CACNA1I: variants seen among roughly 807,000 people sequenced by gnomAD.
The protein encoded by CACNA1I is calcium voltage-gated channel subunit alpha1 I.
A neutral mutation model predicts 201.6 loss-of-function variants in CACNA1I; 74 were observed. The ratio of observed to expected loss-of-function variants is 0.37; its 90% CI spans 0.30 to 0.45. CACNA1I has a LOEUF of 0.45. CACNA1I is among the 20% of genes least tolerant of loss of function. The pLI, the probability that CACNA1I is intolerant of heterozygous loss-of-function variation, is 1.00. For synonymous variants in CACNA1I, 1,431 were observed against 1,345.2 expected, an observed-to-expected ratio of 1.06 and a Z score of -1.40; for missense variants, 2,346 against 3,138.1, an observed-to-expected ratio of 0.75 and a Z score of 6.03.
In CACNA1I at chr22:39,679,868, G is replaced by A. The variant is rs774524240; in HGVS notation, c.5541G>A (p.Glu1847=). Residue 1847 remains glutamate, a splice_region_variant and synonymous_variant, in exon 33 of 37, where the codon GAG becomes GAA. Transcript: ENST00000402142. Reference sequence around the variant, plus strand: ...AGAAGTGTCACCACGACAAGCAAGAGGTAATGGCAGCCCGGGAGGCCTGGC... The same window carrying A: ...AGAAGTGTCACCACGACAAGCAAGAAGTAATGGCAGCCCGGGAGGCCTGGC... The part of the protein sequence containing the change: ...GCKKCHHDKQ[E]VQLAETEAFS... 1.9e-6 allele frequency: 3 copies of A among 1,611,340 alleles called. No homozygotes were observed. Among genetic ancestry groups the A allele is most frequent in the East Asian group, 2.2e-5 (1 of 44,818 alleles).
intron 3 of CACNA1I, among the ~76,000 whole-genome samples, chr22:39,604,684 TC>T (rs1933159042): frequency 6.6e-6 from 1 of 151,792 alleles, no homozygotes; most frequent in African/African-American, 2.4e-5. Context: ...ACTCAGGTGA[TC>T]CTCCCACTTC....
Position 39,612,229 on chromosome 22 carries a change from G to A in CACNA1I, c.483-7081G>A, listed in dbSNP as rs114530448. On this transcript the variant is annotated intron_variant, in intron 3 of 36. Coordinates refer to ENST00000402142, the MANE Select transcript of CACNA1I (RefSeq NM_021096.4). ...ACACACTTTCTTGCCCTTCTGCCAC[G>A]TGATGACACAGCAAGAAAGTCCTCG... Among the ~76,000 whole-genome samples the A allele has an allele frequency of 5.7e-3, 870 of 152,244 alleles. 12 individuals carry two copies. Among genetic ancestry groups the A allele is most frequent in the African/African-American group, 0.017 (693 of 41,534 alleles).
rs1002731847 is a variant in CACNA1I at position 39,685,920 on chromosome 22, G to T, written c.6187G>T (p.Ala2063Ser). The T allele has an allele frequency of 6.1e-6, 8 of 1,317,074 alleles. No homozygotes were observed. Among genetic ancestry groups the T allele is most frequent in the African/African-American group, 1.6e-5 (1 of 64,472 alleles). 81.6% of individuals were successfully genotyped at this position (1,317,074 alleles called of 1,614,324 possible). ...ACCCCGGGCCGGCCTGTCCCCCGCC[G>T]CTCGCCGCCGCCTGAGCCTGCGCGG... Reference protein sequence around the residue: ...PGPRAGLSPAARRRLSLRGRG... With the variant: ...PGPRAGLSPASRRRLSLRGRG... Residue 2063 changes from alanine to serine, a missense_variant, in exon 37 of 37, where the codon GCT (alanine) becomes TCT (serine). Coordinates refer to ENST00000402142, the MANE Select transcript of CACNA1I (RefSeq NM_021096.4). The surrounding 1 kb of genome is among the most constrained non-coding windows in gnomAD (Gnocchi z 5.0).
chr22:39,650,638 G>T (rs1934619933), intron 10 of CACNA1I, among the ~76,000 whole-genome samples: 1 of 152,394 alleles, frequency 6.6e-6, no homozygotes, highest in South Asian at 2.1e-4. Context: ...CCAGGCCAGG[G>T]TGTCCTGTCC....
At chr22:39,585,053 T>C (rs933308963) in intron 1 of CACNA1I, among the ~76,000 whole-genome samples, 3 of 152,220 alleles carry the variant, frequency 2.0e-5, no homozygotes, top group Non-Finnish European at 2.9e-5. Context: ...TCTAGTTCTA[T>C]GCTTTTTATT....
intron 7 of CACNA1I, among the ~76,000 whole-genome samples, chr22:39,645,955 CAG>C (rs1303479697): frequency 6.6e-6 from 1 of 152,198 alleles, no homozygotes; most frequent in African/African-American, 2.4e-5. Flanking sequence ...AGATTCTGGT[CAG>C]AGAGAAGGCA....
At chr22:39,597,270 G>T (rs1932913161) in intron 1 of CACNA1I, among the ~76,000 whole-genome samples, 1 of 152,192 alleles carries the variant, frequency 6.6e-6, no homozygotes, top group Admixed American at 6.5e-5. Flanking sequence ...CTTGAGGCCT[G>T]ACCTCCCTGG....
At chr22:39,614,449 G>A (rs764260079) in intron 3 of CACNA1I, among the ~76,000 whole-genome samples, 1 of 152,210 alleles carries the variant, frequency 6.6e-6, no homozygotes, top group African/African-American at 2.4e-5. Context: ...CCTCTCTCCA[G>A]CTCTTGCTTC....
At chr22:39,637,715 G>A (rs557080014) in intron 5 of CACNA1I, among the ~76,000 whole-genome samples, 3 of 152,204 alleles carry the variant, frequency 2.0e-5, no homozygotes, top group Admixed American at 6.5e-5. Flanking sequence ...CTCTCTTAAC[G>A]GTGTCTTTTG....
chr22:39,672,157 G>C (rs747328332), intron 26 of CACNA1I, 42 bp from the exon 27 acceptor site: 1 of 1,302,580 alleles, frequency 7.7e-7, no homozygotes, highest in Admixed American at 1.7e-5. Context: ...TTGTGGAGCA[G>C]GTCATGTGCC....
Position 39,665,743 on chromosome 22 carries a change from C to A in CACNA1I, c.3978+119C>A. 1 of 1,540,020 alleles carries A rather than the reference C, an allele frequency of 6.5e-7. No individual in the cohort carries two copies. Among genetic ancestry groups the A allele is most frequent in the Non-Finnish European group, 8.9e-7 (1 of 1,126,902 alleles). On this transcript the variant is annotated intron_variant, in intron 22 of 36. Coordinates refer to ENST00000402142, the MANE Select transcript of CACNA1I (RefSeq NM_021096.4). This position sits in a 1 kb window ranked among gnomAD's most constrained non-coding sequence, Gnocchi z 5.5. The stretch of plus-strand genomic sequence containing the variant: ...CATGCGCCTTGCCAGCTGTGGGCTT[C>A]TCCTCCAGGGAGGGAGACAGACATG...
chr22:39,663,202 C>T (rs1935081876), intron 18 of CACNA1I, among the ~76,000 whole-genome samples: 1 of 152,214 alleles, frequency 6.6e-6, no homozygotes, highest in South Asian at 2.1e-4. Flanking sequence ...CCTGGGCTCT[C>T]CTCTAGTCTA....
In CACNA1I at chr22:39,598,487, G is replaced by T. The variant is rs555625675; in HGVS notation, c.348+225G>T. ...GGCTGACCCTTCCTCACTCCCACCT[G>T]GTCTTACCTATTACCCTTCGGATCC... On this transcript the variant is annotated intron_variant, in intron 2 of 36. Transcript: ENST00000402142. Among the ~76,000 whole-genome samples the T allele has an allele frequency of 3.3e-5, 5 of 151,870 alleles. 1 individual carries two copies. Among genetic ancestry groups the T allele is most frequent in the Admixed American group, 3.3e-4 (5 of 15,238 alleles).
Position 39,663,450 on chromosome 22 carries a change from C to T in CACNA1I, c.3474-268C>T, listed in dbSNP as rs570689470. On this transcript the variant is annotated intron_variant, in intron 18 of 36. Transcript: ENST00000402142. ...CAGAGGGTACTAGGCAGCGTGGTAT[C>T]CTCCTGACAGGCTCAGGGATCTGGG... 4.6e-5 allele frequency among the ~76,000 whole-genome samples: 7 copies of T among 152,230 alleles called. No homozygotes were observed. The South Asian group carries it at 1.2e-3, about 27-fold the overall frequency.
At chr22:39,650,989 C>T (rs1417461332) in intron 10 of CACNA1I, among the ~76,000 whole-genome samples, 8 of 152,154 alleles carry the variant, frequency 5.3e-5, no homozygotes, top group Admixed American at 3.9e-4. Flanking sequence ...CTGGGGTTGA[C>T]AGCCTGGGTG....
chr22:39,684,246 G>A lies in CACNA1I; in HGVS notation c.5831-56G>A. 6.6e-7 allele frequency: 1 copy of A among 1,524,162 alleles called. No individual in the cohort carries two copies. Among genetic ancestry groups the A allele is most frequent in the Non-Finnish European group, 9.0e-7 (1 of 1,109,286 alleles). The allele number at this position is 1,524,162 out of a possible 1,614,324, so 94.4% of individuals were successfully genotyped here. On this transcript the variant is annotated intron_variant, in intron 35 of 36. Coordinates refer to ENST00000402142, the MANE Select transcript of CACNA1I (RefSeq NM_021096.4). This position sits in a 1 kb window ranked among gnomAD's most constrained non-coding sequence, Gnocchi z 4.6. ...TTGGTGCTCAATGCCACCTTCCAGGGGCTGCCCCCTGGCCTGAGCGTGCTC... is the reference window on the plus strand; with the variant it reads ...TTGGTGCTCAATGCCACCTTCCAGGAGCTGCCCCCTGGCCTGAGCGTGCTC...
chr22:39,668,432 G>A (rs1355347386), intron 24 of CACNA1I, 51 bp downstream of exon 24: 3 of 1,214,026 alleles, frequency 2.5e-6, no homozygotes, highest in Non-Finnish European at 3.7e-6. Flanking sequence ...GGAACATGGT[G>A]TCCTTGGGGC....
chr22:39,638,238 C>T (rs1349948014), intron 5 of CACNA1I, among the ~76,000 whole-genome samples: 1 of 152,220 alleles, frequency 6.6e-6, no homozygotes, highest in Non-Finnish European at 1.5e-5. Flanking sequence ...CTGCGCCTGG[C>T]CCCAGTTGGG....
chr22:39,662,658 C>A, intron 17 of CACNA1I, 118 bp from the exon 18 acceptor site: 1 of 782,094 alleles, frequency 1.3e-6, no homozygotes, highest in Non-Finnish European at 2.1e-6. Flanking sequence ...TGGCTGCCCC[C>A]GGGGGGCAGA....
Sources: allele counts gnomAD v4.1 joint callset (sites outside exome capture counted in the v4.1 genomes callset), GRCh38; gene constraint gnomAD v4.1.1; non-coding constraint Gnocchi (gnomAD v3.1); transcripts MANE v1.5; gene names NCBI Gene and HGNC (gene_info 2026-07-23, HGNC 2026-07-21).